WWOX: variants seen among roughly 807,000 people sequenced by gnomAD.
WWOX encodes WW domain containing oxidoreductase.
In WWOX, 69 loss-of-function variants were observed where a neutral mutation model predicts 46.2. The observed-to-expected ratio is 1.49, with a 90% CI of 1.23 to 1.82. The LOEUF (loss-of-function observed/expected upper bound fraction) is 1.82. WWOX is among the 40% of genes most tolerant of loss of function. WWOX has a pLI of 0.00. For missense variants in WWOX, 919 were observed against 542.6 expected (o/e 1.69, Z -6.89); for synonymous variants, 359 against 202.6 (o/e 1.77, Z -6.56).
intron 8 of WWOX, among the ~76,000 whole-genome samples, chr16:78,753,124 G>C (rs1232673560): frequency 6.6e-6 from 1 of 151,928 alleles, no homozygotes; most frequent in Non-Finnish European, 1.5e-5. Flanking sequence ...GTGAAACCCC[G>C]TCTCTACTAA....
chr16:78,609,290 T>C (rs1444295465), intron 8 of WWOX, among the ~76,000 whole-genome samples: 2 of 152,200 alleles, frequency 1.3e-5, no homozygotes, highest in African/African-American at 4.8e-5. Context: ...GGTTTTTGTT[T>C]TTTAAGCTTT....
intron 8 of WWOX, among the ~76,000 whole-genome samples, chr16:78,957,775 A>C (rs2046197667): frequency 6.6e-6 from 1 of 152,202 alleles, no homozygotes; most frequent in African/African-American, 2.4e-5. Flanking sequence ...TAACAAAAGA[A>C]TTAGGACTCT....
chr16:78,817,689 G>A (rs745603300), intron 8 of WWOX, among the ~76,000 whole-genome samples: 9 of 152,092 alleles, frequency 5.9e-5, no homozygotes, highest in Non-Finnish European at 1.2e-4. Context: ...GGTGGCAAAC[G>A]GGCCCTGTCT....
At chr16:78,225,302 T>C (rs767436582) in intron 5 of WWOX, among the ~76,000 whole-genome samples, 6 of 152,226 alleles carry the variant, frequency 3.9e-5, no homozygotes, top group African/African-American at 7.2e-5. Context: ...GAAAATATGG[T>C]ATTATAATCT....
intron 8 of WWOX, among the ~76,000 whole-genome samples, chr16:78,904,274 C>G (rs1232150455): frequency 8.1e-6 from 1 of 122,968 alleles, no homozygotes; most frequent in Non-Finnish European, 1.6e-5. Flanking sequence ...GAGTCTCACT[C>G]TGTCGCCAGG....
At chr16:78,993,293 C>G (rs2046924686) in intron 8 of WWOX, among the ~76,000 whole-genome samples, 1 of 151,982 alleles carries the variant, frequency 6.6e-6, no homozygotes, top group South Asian at 2.1e-4. Flanking sequence ...AAGGGAGGCC[C>G]TGAAATTGCT....
chr16:78,561,868 G>T (rs193126604), intron 8 of WWOX, among the ~76,000 whole-genome samples: 3 of 152,186 alleles, frequency 2.0e-5, no homozygotes, highest in Non-Finnish European at 4.4e-5. Flanking sequence ...GAAAATAGTT[G>T]GTCTCTTGAG....
chr16:78,416,510 T>C (rs961289029), intron 6 of WWOX, among the ~76,000 whole-genome samples: 31 of 152,234 alleles, frequency 2.0e-4, no homozygotes, highest in Admixed American at 2.0e-3. Flanking sequence ...TATTAAAATT[T>C]GGTGAGAGAG....
chr16:78,460,934 G>C (rs2083932927), intron 8 of WWOX, among the ~76,000 whole-genome samples: 1 of 152,326 alleles, frequency 6.6e-6, no homozygotes, highest in Non-Finnish European at 1.5e-5. Context: ...CCAGATATCA[G>C]TAGTGACAGG....
chr16:79,095,015 G>C (rs2049040489), intron 8 of WWOX, among the ~76,000 whole-genome samples: 1 of 152,126 alleles, frequency 6.6e-6, no homozygotes, highest in Non-Finnish European at 1.5e-5. Context: ...TTATTTCTAA[G>C]TCCCTTTGAG....
rs187692009 is a variant in WWOX, at chr16:78,179,032, A to T, written c.516+14743A>T. Among the ~76,000 whole-genome samples, 298 of 152,298 alleles carry T rather than the reference A, an allele frequency of 2.0e-3. 1 individual carries two copies. The highest frequency in any genetic ancestry group is 5.7e-3 in the African/African-American group (237 of 41,582). On this transcript the variant is annotated intron_variant, in intron 5 of 8. Coordinates refer to ENST00000566780, the MANE Select transcript of WWOX (RefSeq NM_016373.4). ...GCCAGGGCACTTGGCAGGGGTGTTC[A>T]TGATGATAATCAGGTGGCTGGGTGG... is the stretch of plus-strand genomic sequence containing the variant.
chr16:78,610,818 CATT>C (rs1351746004), intron 8 of WWOX, among the ~76,000 whole-genome samples: 2 of 152,004 alleles, frequency 1.3e-5, no homozygotes, highest in South Asian at 2.1e-4. Flanking sequence ...GGGGCATTAT[CATT>C]ATTATTATTA....
chr16:78,595,365 G>T (rs957355734), intron 8 of WWOX, among the ~76,000 whole-genome samples: 1 of 149,312 alleles, frequency 6.7e-6, no homozygotes, highest in Non-Finnish European at 1.5e-5. Context: ...TCTTCTCCTT[G>T]CTTCAACCCT....
chr16:78,843,653 G>T (rs1390963822), intron 8 of WWOX, among the ~76,000 whole-genome samples: 2 of 152,088 alleles, frequency 1.3e-5, no homozygotes, highest in African/African-American at 4.8e-5. Flanking sequence ...ACTCATCGAG[G>T]AGCAAAATAA....
chr16:79,125,407 G>A (rs972404168), intron 8 of WWOX, among the ~76,000 whole-genome samples: 4 of 152,214 alleles, frequency 2.6e-5, no homozygotes, highest in Non-Finnish European at 4.4e-5. Context: ...TGCAAAATAA[G>A]CCTTTGAAGA....
At chr16:78,784,276 T>G (rs1181157064) in intron 8 of WWOX, among the ~76,000 whole-genome samples, 1 of 152,138 alleles carries the variant, frequency 6.6e-6, no homozygotes, top group Non-Finnish European at 1.5e-5. Flanking sequence ...TAAGCTCAAG[T>G]TCACAGGCAG....
At chr16:78,529,054 A>C (rs1427994785) in intron 8 of WWOX, among the ~76,000 whole-genome samples, 1 of 150,574 alleles carries the variant, frequency 6.6e-6, no homozygotes, top group East Asian at 2.0e-4. Flanking sequence ...CTCTGGCTCC[A>C]GTGATCCTCC....
intron 8 of WWOX, among the ~76,000 whole-genome samples, chr16:78,659,457 T>C (rs1217131762): frequency 6.6e-6 from 1 of 152,016 alleles, no homozygotes; most frequent in Non-Finnish European, 1.5e-5. Context: ...ACTCTGGGAG[T>C]AGGGCTCAGC....
rs1401059674 is a variant in WWOX, at chr16:79,046,256, C to A, written c.1057-165352C>A. The stretch of plus-strand genomic sequence containing the variant: ...ATTTTCTCTGCATTTGTCTAACTCC[C>A]TTTTTTCCCTTGAACTGTAAAGCTC... On this transcript the variant is annotated intron_variant, in intron 8 of 8. Transcript: ENST00000566780. Among the ~76,000 whole-genome samples the A allele has an allele frequency of 2.0e-5, 3 of 152,266 alleles. No homozygotes were observed. In the East Asian group the frequency reaches 5.8e-4, roughly 29 times the overall value.
Sources: gnomAD v4.1 joint callset for allele counts (sites outside exome capture counted in the v4.1 genomes callset) on GRCh38, gnomAD v4.1.1 for gene constraint, MANE v1.5 for transcripts, NCBI Gene and HGNC (gene_info 2026-07-23, HGNC 2026-07-21) for gene names.